The following CACNA2D3 variants were observed in gnomAD, a reference collection of about 807,000 sequenced individuals.
CACNA2D3 encodes calcium voltage-gated channel auxiliary subunit alpha2delta 3.
In CACNA2D3, 60 loss-of-function variants were observed where a neutral mutation model predicts 160.6. That is an observed-to-expected ratio of 0.37 (90% CI 0.30 to 0.46). CACNA2D3 has a LOEUF of 0.46. CACNA2D3 is among the 20% of genes least tolerant of loss of function. The pLI is 1.00. For synonymous variants in CACNA2D3, 558 were observed against 492.9 expected, an observed-to-expected ratio of 1.13 and a Z score of -1.75; for missense variants, 1,205 against 1,365.0, an observed-to-expected ratio of 0.88 and a Z score of 1.85.
At chr3:54,809,384 T>C (rs1014577235) in intron 13 of CACNA2D3, among the ~76,000 whole-genome samples, 1 of 126,838 alleles carries the variant, frequency 7.9e-6, no homozygotes, top group African/African-American at 3.4e-5. Context: ...AGTGGCGCAA[T>C]CTCGGCTCAC....
chr3:54,744,050 A>C (rs2107049720), intron 11 of CACNA2D3, among the ~76,000 whole-genome samples: 1 of 152,338 alleles, frequency 6.6e-6, no homozygotes, highest in South Asian at 2.1e-4. Context: ...TGCATCATAA[A>C]AACCCAAGGT....
chr3:55,065,716 GGGGAAGGGAAGGAAAGGAAGGAAA>G (rs1048815314), intron 35 of CACNA2D3, among the ~76,000 whole-genome samples: 5 of 151,506 alleles, frequency 3.3e-5, no homozygotes, highest in African/African-American at 1.2e-4. Context: ...GGAGAGGTGG[GGGGAAGGGAAGGAAAGGAAGGAAA>G]GGGAAGGAAA....
intron 3 of CACNA2D3, among the ~76,000 whole-genome samples, chr3:54,362,819 G>A (rs1698765276): frequency 1.3e-5 from 2 of 152,234 alleles, no homozygotes; most frequent in South Asian, 4.1e-4. Flanking sequence ...TGTGGACCAT[G>A]TACAAATGTC....
chr3:54,417,820 C>T (rs1029752124), intron 4 of CACNA2D3, among the ~76,000 whole-genome samples: 9 of 151,094 alleles, frequency 6.0e-5, no homozygotes, highest in African/African-American at 2.2e-4. Context: ...GGGGGTTACT[C>T]CTGTCACCCA....
At chr3:54,633,503 A>T (rs1559533299) in intron 10 of CACNA2D3, 1 of 152,106 alleles carries the variant, frequency 6.6e-6, no homozygotes, top group Non-Finnish European at 1.5e-5. Context: ...TTTATTGGGC[A>T]AAAAGGGAAA....
chr3:54,718,398 C>T (rs1701102767), intron 11 of CACNA2D3, among the ~76,000 whole-genome samples: 1 of 151,976 alleles, frequency 6.6e-6, no homozygotes, highest in African/African-American at 2.4e-5. Context: ...TATTAAAATC[C>T]ATCTGGAATT....
intron 31 of CACNA2D3, among the ~76,000 whole-genome samples, chr3:54,992,705 C>T (rs1702767541): frequency 6.6e-6 from 1 of 151,800 alleles, no homozygotes; most frequent in Non-Finnish European, 1.5e-5. Flanking sequence ...TGGGAGGGGC[C>T]CCCACCTTCA....
At chr3:55,012,184 C>G (rs1392366324) in intron 34 of CACNA2D3, among the ~76,000 whole-genome samples, 1 of 152,112 alleles carries the variant, frequency 6.6e-6, no homozygotes, top group Non-Finnish European at 1.5e-5. Context: ...TTCCATTTGT[C>G]AACAGAGGAA....
chr3:54,498,697 A>G (rs1216848647), intron 4 of CACNA2D3, among the ~76,000 whole-genome samples: 2 of 151,794 alleles, frequency 1.3e-5, no homozygotes, highest in Non-Finnish European at 2.9e-5. Context: ...TTTTTCTTCT[A>G]TATTATAAGC....
chr3:54,676,508 G>A (rs1209571548), intron 11 of CACNA2D3, among the ~76,000 whole-genome samples: 1 of 152,050 alleles, frequency 6.6e-6, no homozygotes, highest in East Asian at 1.9e-4. Flanking sequence ...GTGTGTGCTG[G>A]GCCCCTACCT....
chr3:54,728,116 G>T (rs1420152833), intron 11 of CACNA2D3, among the ~76,000 whole-genome samples: 1 of 151,992 alleles, frequency 6.6e-6, no homozygotes, highest in Non-Finnish European at 1.5e-5. Flanking sequence ...TGAATCTATG[G>T]CCGGAAGTTT....
chr3:54,896,912 A>G (rs950248374), intron 26 of CACNA2D3, 42 bp downstream of exon 26: 8 of 1,613,124 alleles, frequency 5.0e-6, no homozygotes, highest in Admixed American at 1.7e-5. Context: ...TGTCTGGTCC[A>G]GTGGGTCTGG....
chr3:54,506,816 T>A (rs1224775006), intron 5 of CACNA2D3, among the ~76,000 whole-genome samples: 1 of 152,152 alleles, frequency 6.6e-6, no homozygotes, highest in Non-Finnish European at 1.5e-5. Flanking sequence ...GGCTGATACC[T>A]TTAGAGCCGT....
At chr3:54,189,496 A>C (rs6795550) in intron 2 of CACNA2D3, among the ~76,000 whole-genome samples, 123,632 of 152,150 alleles carry the variant, frequency 0.81, 50,568 homozygotes, top group East Asian at 1. Flanking sequence ...CCATCCTTCC[A>C]TGTCCTTTGA....
At chr3:54,144,258 G>A (rs1363525854) in intron 2 of CACNA2D3, among the ~76,000 whole-genome samples, 1 of 152,222 alleles carries the variant, frequency 6.6e-6, no homozygotes, top group Non-Finnish European at 1.5e-5. Context: ...TGGGGATGTT[G>A]TGTGGCTGTG....
intron 2 of CACNA2D3, among the ~76,000 whole-genome samples, chr3:54,216,910 C>T (rs112064136): frequency 6.6e-6 from 1 of 152,108 alleles, no homozygotes. Flanking sequence ...TTTTGTGGAA[C>T]TTCTGTTTGG....
chr3:54,717,316 G>T (rs1701068421), intron 11 of CACNA2D3, among the ~76,000 whole-genome samples: 1 of 152,194 alleles, frequency 6.6e-6, no homozygotes, highest in Admixed American at 6.5e-5. Flanking sequence ...GCACACTTGT[G>T]TATACATTTC....
chr3:55,027,806 C>T (rs1244418381), intron 35 of CACNA2D3, among the ~76,000 whole-genome samples: 1 of 152,132 alleles, frequency 6.6e-6, no homozygotes, highest in African/African-American at 2.4e-5. Flanking sequence ...CATACAGAAC[C>T]GTGTCCATTA....
chr3:54,770,712 G>A (rs902866577), intron 13 of CACNA2D3, among the ~76,000 whole-genome samples: 1 of 152,196 alleles, frequency 6.6e-6, no homozygotes, highest in Non-Finnish European at 1.5e-5. Context: ...TGTTCCCCAT[G>A]CTTGAGTTGC....
Sources: allele counts gnomAD v4.1 joint callset (sites outside exome capture counted in the v4.1 genomes callset), GRCh38; gene constraint gnomAD v4.1.1; transcripts MANE v1.5; gene names NCBI Gene and HGNC (gene_info 2026-07-23, HGNC 2026-07-21).